Variants in LIN28B observed in about 807,000 individuals in gnomAD.
The protein encoded by LIN28B is lin-28 RNA binding posttranscriptional regulator B.
Under a neutral mutation model 21.9 loss-of-function variants are expected in LIN28B, and 5 were observed. The observed-to-expected ratio is 0.23, with a 90% CI of 0.12 to 0.48. LIN28B has a LOEUF of 0.48. Ranked by LOEUF, LIN28B falls within the 20% of genes least tolerant of loss-of-function variation. LIN28B has a pLI of 0.98. For missense variants in LIN28B, 245 were observed against 310.5 expected, an observed-to-expected ratio of 0.79 and a Z score of 1.58; for synonymous variants, 109 against 111.3, an observed-to-expected ratio of 0.98 and a Z score of 0.13.
intron 2 of LIN28B, among the ~76,000 whole-genome samples, chr6:105,024,952 G>A (rs887418263): frequency 2.0e-5 from 3 of 152,096 alleles, no homozygotes; most frequent in Non-Finnish European, 4.4e-5. Flanking sequence ...AAGATTTTTA[G>A]TTTTGTGGGA....
At chr6:105,046,351 CT>C (rs1395605318) in intron 3 of LIN28B, among the ~76,000 whole-genome samples, 3 of 152,096 alleles carry the variant, frequency 2.0e-5, no homozygotes, top group Non-Finnish European at 4.4e-5. Context: ...TGAACTCATC[CT>C]TTTTTATAGC....
At chr6:105,038,524 CTG>C (rs1309162748) in intron 3 of LIN28B, among the ~76,000 whole-genome samples, 3 of 152,178 alleles carry the variant, frequency 2.0e-5, no homozygotes, top group Non-Finnish European at 4.4e-5. Context: ...GTTACCAAGT[CTG>C]GCCAGGTCCA....
intron 2 of LIN28B, among the ~76,000 whole-genome samples, chr6:105,023,550 AACC>A (rs1562096597): frequency 0.031 from 1 of 32 alleles, no homozygotes; most frequent in African/African-American, 0.042. Flanking sequence ...TATAATATAT[AACC>A]TATATATATA....
At chr6:104,967,576 CAAAAAAAA>C (rs71003462) in intron 2 of LIN28B, among the ~76,000 whole-genome samples, 3 of 60,736 alleles carry the variant, frequency 4.9e-5, no homozygotes, top group South Asian at 6.2e-4. Context: ...AACTCCCTCT[CAAAAAAAA>C]AAAAAAAAAA....
At chr6:104,964,889 A>T (rs571834417) in intron 2 of LIN28B, among the ~76,000 whole-genome samples, 1 of 152,318 alleles carries the variant, frequency 6.6e-6, no homozygotes, top group Non-Finnish European at 1.5e-5. Flanking sequence ...TAAGATTTAC[A>T]AATAATTGAT....
chr6:104,974,697 AACTT>A (rs1305070388), intron 2 of LIN28B, among the ~76,000 whole-genome samples: 1 of 151,900 alleles, frequency 6.6e-6, no homozygotes, highest in Non-Finnish European at 1.5e-5. Context: ...TAGTTTGAAA[AACTT>A]ACACAGTATG....
chr6:105,048,629 G>C (rs1423761095), intron 3 of LIN28B, among the ~76,000 whole-genome samples: 1 of 152,190 alleles, frequency 6.6e-6, no homozygotes, highest in Admixed American at 6.5e-5. Context: ...GAATTCAGCT[G>C]TGAATCCATC....
At chr6:104,974,879 G>A (rs1770055165) in intron 2 of LIN28B, among the ~76,000 whole-genome samples, 1 of 152,014 alleles carries the variant, frequency 6.6e-6, no homozygotes, top group Non-Finnish European at 1.5e-5. Flanking sequence ...GAGTGCAGTG[G>A]CACGATCTCT....
At chr6:105,023,298 T>TATATATAATTATATTATATATA (rs1771179727) in intron 2 of LIN28B, among the ~76,000 whole-genome samples, 8 of 13,030 alleles carry the variant, frequency 6.1e-4, no homozygotes, top group East Asian at 3.9e-3. Flanking sequence ...AATATATATA[T>TATATATAATTATATTATATATA]TTATATATAA....
At position 105,008,288 on chromosome 6, in the gene LIN28B, A is replaced by C. The variant is rs184034885; in HGVS notation, c.199-18010A>C. Among the ~76,000 whole-genome samples, 15 of 152,314 alleles carry C rather than the reference A, an allele frequency of 9.8e-5. No individual in the cohort carries two copies. In the East Asian group the frequency reaches 2.7e-3, roughly 27 times the overall value. ...ATTGTATCTTGAGAGTGACCATACA[A>C]ACTCTTTGCTAAATTTCATTATTTG... On this transcript the variant is annotated intron_variant, in intron 2 of 3. Coordinates refer to ENST00000345080, the MANE Select transcript of LIN28B (RefSeq NM_001004317.4).
chr6:105,023,227 A>T (rs1020066996), intron 2 of LIN28B, among the ~76,000 whole-genome samples: 4 of 94,378 alleles, frequency 4.2e-5, no homozygotes, highest in South Asian at 2.7e-4. Context: ...ATATATATAT[A>T]ATATATATTA....
intron 2 of LIN28B, among the ~76,000 whole-genome samples, chr6:104,966,473 T>A (rs1199855119): frequency 1.3e-5 from 2 of 152,158 alleles, no homozygotes; most frequent in Non-Finnish European, 2.9e-5. Context: ...GTTTTTGTTT[T>A]GAGACAGAGT....
chr6:104,979,649 A>T (rs1430691783), intron 2 of LIN28B, among the ~76,000 whole-genome samples: 1 of 151,946 alleles, frequency 6.6e-6, no homozygotes, highest in Non-Finnish European at 1.5e-5. Flanking sequence ...AAGACTTTTT[A>T]TACAAATAGG....
intron 3 of LIN28B, among the ~76,000 whole-genome samples, chr6:105,050,389 T>A (rs955818421): frequency 6.6e-6 from 1 of 151,120 alleles, no homozygotes; most frequent in South Asian, 2.1e-4. Context: ...GATCATGAGG[T>A]CAGGAAATCG....
chr6:104,961,575 T>C (rs951141445), intron 2 of LIN28B, among the ~76,000 whole-genome samples: 1 of 152,064 alleles, frequency 6.6e-6, no homozygotes, highest in Admixed American at 6.6e-5. Flanking sequence ...TAATTTTTTG[T>C]ATTTTTAGTA....
chr6:104,960,902 A>G (rs1769726836), intron 2 of LIN28B, among the ~76,000 whole-genome samples: 1 of 152,138 alleles, frequency 6.6e-6, no homozygotes, highest in Non-Finnish European at 1.5e-5. Flanking sequence ...AATACCATCA[A>G]ACTTTCTTGT....
chr6:105,047,212 A>G (rs1771787788), intron 3 of LIN28B, among the ~76,000 whole-genome samples: 1 of 152,254 alleles, frequency 6.6e-6, no homozygotes, highest in East Asian at 1.9e-4. Flanking sequence ...TAAGGAAGGG[A>G]TCCAGTTTCA....
chr6:105,031,895 T>G (rs993310781), intron 3 of LIN28B, among the ~76,000 whole-genome samples: 5 of 152,094 alleles, frequency 3.3e-5, no homozygotes, highest in African/African-American at 1.2e-4. Flanking sequence ...TTCAGAAAGT[T>G]TATTACCCCC....
Position 105,023,273 on chromosome 6 carries a change from ATTATATATATAAATAATATATATAT to A in LIN28B, c.199-3015_199-2991del, listed in dbSNP as rs1471693179. On this transcript the variant is annotated intron_variant, in intron 2 of 3. Coordinates refer to ENST00000345080, the MANE Select transcript of LIN28B (RefSeq NM_001004317.4). The stretch of plus-strand genomic sequence containing the variant: ...TATTTATATATAATTATTATTTATT[ATTATATATATAAATAATATATATAT>A]TTATATATAATTATATTATATATAA... 2.3e-4 allele frequency among the ~76,000 whole-genome samples: 11 copies of A among 46,982 alleles called. No individual in the cohort carries two copies. The South Asian group carries it at 3.0e-3, about 13-fold the overall frequency. The allele number at this position is 46,982 out of a possible 152,430, so 30.8% of individuals were successfully genotyped here. A position where few individuals can be genotyped will look rare whatever the true frequency, so the allele number is the denominator to read the frequency against.
Sources: allele counts gnomAD v4.1 joint callset (sites outside exome capture counted in the v4.1 genomes callset), GRCh38; gene constraint gnomAD v4.1.1; transcripts MANE v1.5; gene names NCBI Gene and HGNC (gene_info 2026-07-23, HGNC 2026-07-21).